MEF2B: variants seen among roughly 807,000 people sequenced by gnomAD.
MEF2B encodes the protein myocyte-specific enhancer factor 2B.
MEF2B carries 15 observed loss-of-function variants against 32.2 expected under a neutral mutation model. The ratio of observed to expected loss-of-function variants is 0.47; its 90% CI spans 0.31 to 0.72. The LOEUF (loss-of-function observed/expected upper bound fraction) is 0.72. Ranked by LOEUF, MEF2B falls within the 30% of genes least tolerant of loss-of-function variation. The pLI, the probability that MEF2B is intolerant of heterozygous loss-of-function variation, is 0.05. For synonymous variants in MEF2B, 205 were observed against 225.6 expected (o/e 0.91, Z 0.82); for missense variants, 441 against 511.5 (o/e 0.86, Z 1.33).
intron 1 of MEF2B, among the ~76,000 whole-genome samples, chr19:19,157,717 A>C (rs569891188): frequency 6.6e-6 from 1 of 152,288 alleles, no homozygotes; most frequent in South Asian, 2.1e-4. Context: ...GCGTGCTGGC[A>C]TGTGCCTGTA....
chr19:19,167,626 A>C (rs2060220091), intron 1 of MEF2B, among the ~76,000 whole-genome samples: 1 of 152,228 alleles, frequency 6.6e-6, no homozygotes, highest in South Asian at 2.1e-4. Flanking sequence ...CAAATGTTTT[A>C]AATTCCCCTT....
chr19:19,163,915 T>C (rs1339034251), intron 1 of MEF2B, among the ~76,000 whole-genome samples: 2 of 152,166 alleles, frequency 1.3e-5, no homozygotes, highest in African/African-American at 4.8e-5. Flanking sequence ...GCAATCTGCC[T>C]GCCTTGGCCT....
intron 1 of MEF2B, among the ~76,000 whole-genome samples, chr19:19,162,787 CG>C (rs767568662): frequency 8.7e-4 from 132 of 152,276 alleles, no homozygotes; most frequent in Non-Finnish European, 1.7e-3. Flanking sequence ...AGGCCAGGGC[CG>C]GGGCTGTAGG....
chr19:19,161,384 G>C (rs2060160912), intron 1 of MEF2B, among the ~76,000 whole-genome samples: 2 of 151,974 alleles, frequency 1.3e-5, no homozygotes, highest in African/African-American at 4.8e-5. Flanking sequence ...AAAATCCACA[G>C]ATGCCCGAAA....
At chr19:19,169,661 C>G (rs546022623) in intron 1 of MEF2B, among the ~76,000 whole-genome samples, 1 of 152,150 alleles carries the variant, frequency 6.6e-6, no homozygotes, top group Non-Finnish European at 1.5e-5. Flanking sequence ...AACAACCACA[C>G]GGGGATGTGA....
chr19:19,148,032 G>A (rs2060042346), intron 3 of MEF2B, among the ~76,000 whole-genome samples, 200 bp from the exon 4 acceptor site: 1 of 152,248 alleles, frequency 6.6e-6, no homozygotes, highest in Admixed American at 6.5e-5. Flanking sequence ...GGACCGAAAA[G>A]CCCAAGGACC....
intron 1 of MEF2B, among the ~76,000 whole-genome samples, chr19:19,159,186 C>G (rs1256193923): frequency 6.8e-6 from 1 of 147,038 alleles, no homozygotes; most frequent in Non-Finnish European, 1.5e-5. Flanking sequence ...GGTGATCCAC[C>G]AGTCTCGGCC....
Position 19,145,892 on chromosome 19 carries a change from G to C in MEF2B, c.1012C>G (p.Pro338Ala). 6.8e-7 allele frequency: 1 copy of C among 1,464,414 alleles called. No individual in the cohort carries two copies. Among genetic ancestry groups the C allele is most frequent in the African/African-American group, 1.4e-5 (1 of 69,812 alleles). 90.7% of individuals were successfully genotyped at this position (1,464,414 alleles called of 1,614,324 possible). Residue 338 changes from proline (P) to alanine (A), a missense_variant, in exon 9 of 9, where the codon CCC (proline) becomes GCC (alanine). Physicochemically the swap from Pro to Ala is conservative, Grantham distance 27. Transcript: ENST00000424583. This position sits in a 1 kb window ranked among gnomAD's most constrained non-coding sequence, Gnocchi z 4.6. ...GGPGDFPKTFPYPLLLARSLA... is the reference protein window; with the variant it reads ...GGPGDFPKTFAYPLLLARSLA... ...GACCGGGCGAGGAGCAAGGGATAGG[G>C]GAAGGTCTTAGGAAAGTCGCCGGGG...
rs374058487 is a variant in MEF2B at position 19,155,273 on chromosome 19, C to T, written c.-29-4509G>A. 6.6e-4 allele frequency among the ~76,000 whole-genome samples: 101 copies of T among 152,204 alleles called. 1 individual carries two copies. The highest frequency in any genetic ancestry group is 2.4e-3 in the African/African-American group (98 of 41,538). ...GATAAATATCTCTGACTAGAAGGACCCTTTCCCCTTTTTCACCAAGCCAAC... is the reference window on the plus strand; with the variant it reads ...GATAAATATCTCTGACTAGAAGGACTCTTTCCCCTTTTTCACCAAGCCAAC... On this transcript the variant is annotated intron_variant, in intron 1 of 8. Coordinates refer to ENST00000424583, the MANE Select transcript of MEF2B (RefSeq NM_001145785.2).
intron 3 of MEF2B, 98 bp downstream of exon 3, chr19:19,149,128 T>G (rs1222984747): frequency 6.8e-7 from 1 of 1,463,182 alleles, no homozygotes; most frequent in Non-Finnish European, 9.3e-7. Flanking sequence ...CAAAGCCAGA[T>G]GAAGACACTC....
chr19:19,148,196 G>A (rs1308420868), intron 3 of MEF2B, among the ~76,000 whole-genome samples: 1 of 152,262 alleles, frequency 6.6e-6, no homozygotes, highest in Non-Finnish European at 1.5e-5. Flanking sequence ...GGGCGCGGTG[G>A]CTCACGCCTA....
chr19:19,156,405 A>T (rs990281960), intron 1 of MEF2B, among the ~76,000 whole-genome samples: 5 of 150,340 alleles, frequency 3.3e-5, no homozygotes, highest in East Asian at 1.9e-4. Flanking sequence ...AAAAAAAAAA[A>T]TTTTTTTTTT....
intron 1 of MEF2B, among the ~76,000 whole-genome samples, chr19:19,167,936 C>G (rs890869944): frequency 6.6e-6 from 1 of 152,168 alleles, no homozygotes; most frequent in Non-Finnish European, 1.5e-5. Context: ...CTCCTGCAAA[C>G]CAGCTTCCTG....
chr19:19,169,843 C>T (rs1459996889), intron 1 of MEF2B, among the ~76,000 whole-genome samples: 1 of 152,134 alleles, frequency 6.6e-6, no homozygotes, highest in African/African-American at 2.4e-5. Context: ...AAGGAGTGCA[C>T]ACCAGGAGAG....
At chr19:19,164,536 G>A (rs894479474) in intron 1 of MEF2B, among the ~76,000 whole-genome samples, 5 of 152,242 alleles carry the variant, frequency 3.3e-5, no homozygotes, top group Admixed American at 2.0e-4. Context: ...GTTCCAGGCC[G>A]GGTGCGGTGG....
rs373288207 is a variant in MEF2B at position 19,162,642 on chromosome 19, C to T, written c.-30+7563G>A. Reference sequence around the variant, plus strand: ...CCCAGTGGGGAGCCCTCAGACCCTCCTTCCCACCTCTCCCTGGGCCTGCTC... The same window carrying T: ...CCCAGTGGGGAGCCCTCAGACCCTCTTTCCCACCTCTCCCTGGGCCTGCTC... On this transcript the variant is annotated intron_variant, in intron 1 of 8. Coordinates refer to ENST00000424583, the MANE Select transcript of MEF2B (RefSeq NM_001145785.2). 2.6e-5 allele frequency among the ~76,000 whole-genome samples: 4 copies of T among 152,322 alleles called. No individual in the cohort carries two copies. In the East Asian group the frequency reaches 7.7e-4, roughly 29 times the overall value.
chr19:19,158,461 A>T (rs1205407078), intron 1 of MEF2B, among the ~76,000 whole-genome samples: 2 of 137,582 alleles, frequency 1.5e-5, no homozygotes, highest in Non-Finnish European at 3.2e-5. Flanking sequence ...AAAAAAAAAA[A>T]ACAAACTAGG....
chr19:19,145,966 G>C lies in MEF2B; in HGVS notation c.938C>G (p.Thr313Ser). ...CTCAGACTTGATGCTGACTGGGGGG[G>C]TCGGCGGGGAGGCGCCGCGGGTTGG... ...GPPTRGASPP[T>S]PPVSIKSERL... Residue 313 changes from threonine to serine, a missense_variant, in exon 9 of 9, where the codon ACC (threonine) becomes AGC (serine). By Grantham distance (58) the Thr-to-Ser change is moderately conservative. Around this residue, in one of 2 missense-constraint regions of MEF2B, gnomAD observed 326 missense variants for 328.4 expected, o/e 0.99. Transcript: ENST00000424583. This position sits in a 1 kb window ranked among gnomAD's most constrained non-coding sequence, Gnocchi z 4.6. 2 of 1,440,646 alleles carry C rather than the reference G, an allele frequency of 1.4e-6. No individual in the cohort carries two copies. Among genetic ancestry groups the C allele is most frequent in the Non-Finnish European group, 1.8e-6 (2 of 1,099,910 alleles). 89.2% of individuals were successfully genotyped at this position (1,440,646 alleles called of 1,614,324 possible). A position where few individuals can be genotyped will look rare whatever the true frequency, so the allele number is the denominator to read the frequency against.
chr19:19,165,733 G>A (rs188397218), intron 1 of MEF2B, among the ~76,000 whole-genome samples: 50 of 152,296 alleles, frequency 3.3e-4, no homozygotes, highest in African/African-American at 1.0e-3. Flanking sequence ...CAGGAAGCCA[G>A]GCCAGCATCC....
Sources: gnomAD v4.1 joint callset for allele counts (sites outside exome capture counted in the v4.1 genomes callset) on GRCh38, gnomAD v4.1.1 for gene constraint, gnomAD v4.1.1 regional missense constraint, Gnocchi (gnomAD v3.1) non-coding constraint, MANE v1.5 for transcripts, NCBI Gene and HGNC (gene_info 2026-07-23, HGNC 2026-07-21) for gene names.